CD247: variants seen among roughly 807,000 people sequenced by gnomAD.
The protein encoded by CD247 is T-cell surface glycoprotein CD3 zeta chain.
A neutral mutation model predicts 30.0 loss-of-function variants in CD247; 13 were observed. That is an observed-to-expected ratio of 0.43 (90% CI 0.28 to 0.69). The LOEUF (loss-of-function observed/expected upper bound fraction) is 0.69. CD247 is among the 30% of genes least tolerant of loss of function. The pLI, the probability that CD247 is intolerant of heterozygous loss-of-function variation, is 0.16. For missense variants in CD247, 193 were observed against 212.6 expected, an observed-to-expected ratio of 0.91 and a Z score of 0.57; for synonymous variants, 72 against 80.0, an observed-to-expected ratio of 0.90 and a Z score of 0.53.
At chr1:167,480,931 A>G (rs571115325) in intron 1 of CD247, among the ~76,000 whole-genome samples, 45 of 152,366 alleles carry the variant, frequency 3.0e-4, no homozygotes, top group Non-Finnish European at 5.6e-4. Context: ...CATATAGCAC[A>G]ATTATAACAT....
intron 1 of CD247, among the ~76,000 whole-genome samples, chr1:167,490,366 TGTAAG>T (rs1654397263): frequency 6.6e-6 from 1 of 152,260 alleles, no homozygotes; most frequent in South Asian, 2.1e-4. Flanking sequence ...GGCTCACGCC[TGTAAG>T]CCCAGCACTT....
chr1:167,503,155 G>A (rs139425212), intron 1 of CD247, among the ~76,000 whole-genome samples: 8 of 152,334 alleles, frequency 5.3e-5, no homozygotes, highest in African/African-American at 1.9e-4. Context: ...TACACAGGAG[G>A]GGTGGCAGCT....
chr1:167,467,306 G>A (rs998238672), intron 1 of CD247, among the ~76,000 whole-genome samples: 4 of 152,210 alleles, frequency 2.6e-5, no homozygotes, highest in Non-Finnish European at 5.9e-5. Flanking sequence ...CTTTTCTGCG[G>A]CCCTTCATGC....
intron 1 of CD247, among the ~76,000 whole-genome samples, chr1:167,496,675 A>T (rs1654703690): frequency 6.6e-6 from 1 of 152,172 alleles, no homozygotes; most frequent in African/African-American, 2.4e-5. Context: ...GGGGCTGAGA[A>T]GTGGGTAAGG....
intron 1 of CD247, among the ~76,000 whole-genome samples, chr1:167,493,595 G>T (rs1275785949): frequency 6.6e-6 from 1 of 152,188 alleles, no homozygotes; most frequent in Non-Finnish European, 1.5e-5. Context: ...GCTTAGGAAA[G>T]ATAAAGTAAC....
intron 1 of CD247, among the ~76,000 whole-genome samples, chr1:167,485,418 G>A (rs1369435880): frequency 6.6e-6 from 1 of 152,166 alleles, no homozygotes; most frequent in African/African-American, 2.4e-5. Flanking sequence ...AGGACAAAGT[G>A]GAGAGGCTGA....
In CD247 at chr1:167,435,857, A is replaced by G. The variant is rs141025340; in HGVS notation, c.301-423T>C. Among the ~76,000 whole-genome samples, 201 of 152,322 alleles carry G rather than the reference A, an allele frequency of 1.3e-3. 1 individual carries two copies. The highest frequency in any genetic ancestry group is 2.3e-3 in the Non-Finnish European group (154 of 68,032). On this transcript the variant is annotated intron_variant, in intron 4 of 7. Coordinates refer to ENST00000362089, the MANE Select transcript of CD247 (RefSeq NM_198053.3). ...ACCCTCCTAGTCCTGACAAGAGGAG[A>G]GGAGGCAAGATAAACTTGGATGGTG...
intron 1 of CD247, among the ~76,000 whole-genome samples, chr1:167,465,611 G>T (rs909337025): frequency 1.3e-5 from 2 of 152,140 alleles, no homozygotes; most frequent in African/African-American, 2.4e-5. Flanking sequence ...TATTACAGGC[G>T]TGAGCCACCG....
intron 1 of CD247, among the ~76,000 whole-genome samples, chr1:167,502,992 G>A (rs542910351): frequency 2.0e-5 from 3 of 152,184 alleles, no homozygotes; most frequent in Admixed American, 6.5e-5. Flanking sequence ...GTGGCACTTT[G>A]TTAAGGCAGC....
chr1:167,500,995 A>AC (rs929071616), intron 1 of CD247, among the ~76,000 whole-genome samples: 15 of 150,744 alleles, frequency 1.0e-4, no homozygotes, highest in African/African-American at 3.2e-4. Flanking sequence ...GAAAACTGGG[A>AC]GTCAGAAGAG....
rs113652489 is a variant in CD247, at chr1:167,438,480, T to G, written c.300+90A>C. ...CACACATGTGAGGGTCGAGTCTGGT[T>G]GCAGAGTGAGCTGAGGAGCCCTCCC... On this transcript the variant is annotated intron_variant, in intron 4 of 7. Coordinates refer to ENST00000362089, the MANE Select transcript of CD247 (RefSeq NM_198053.3). The G allele has an allele frequency of 6.9e-5, 70 of 1,009,044 alleles. No individual in the cohort carries two copies. The African/African-American group carries it at 8.1e-4, about 12-fold the overall frequency. 62.5% of individuals were successfully genotyped at this position (1,009,044 alleles called of 1,614,324 possible). A position where few individuals can be genotyped will look rare whatever the true frequency, so the allele number is the denominator to read the frequency against.
chr1:167,510,425 A>C (rs1655338826), intron 1 of CD247, among the ~76,000 whole-genome samples: 1 of 152,018 alleles, frequency 6.6e-6, no homozygotes, highest in Non-Finnish European at 1.5e-5. Flanking sequence ...CATTGCCAAC[A>C]CCCACACTGA....
chr1:167,456,774 A>T (rs907359300), intron 1 of CD247, among the ~76,000 whole-genome samples: 2 of 152,226 alleles, frequency 1.3e-5, no homozygotes, highest in East Asian at 3.8e-4. Context: ...TGTTGTAGAC[A>T]CAGAACCCAA....
chr1:167,489,636 G>A (rs1293533941), intron 1 of CD247, among the ~76,000 whole-genome samples: 3 of 152,174 alleles, frequency 2.0e-5, no homozygotes, highest in African/African-American at 4.8e-5. Flanking sequence ...ACTTTTCTGA[G>A]ATCTGTAAAA....
chr1:167,502,275 C>A (rs756274614), intron 1 of CD247, among the ~76,000 whole-genome samples: 13 of 152,178 alleles, frequency 8.5e-5, no homozygotes, highest in Admixed American at 7.2e-4. Context: ...CATCAGCGTT[C>A]AAAACGAATA....
At chr1:167,497,964 G>A (rs536627701) in intron 1 of CD247, among the ~76,000 whole-genome samples, 3 of 152,158 alleles carry the variant, frequency 2.0e-5, no homozygotes, top group Admixed American at 6.5e-5. Context: ...GCTTGACCTC[G>A]GACTGTCCTG....
chr1:167,456,494 G>A (rs1652678469), intron 1 of CD247, among the ~76,000 whole-genome samples: 1 of 152,228 alleles, frequency 6.6e-6, no homozygotes, highest in African/African-American at 2.4e-5. Flanking sequence ...GGTAGTTCTA[G>A]AGTGAGAGGG....
intron 1 of CD247, among the ~76,000 whole-genome samples, chr1:167,489,335 A>C (rs1654343614): frequency 6.6e-6 from 1 of 152,202 alleles, no homozygotes; most frequent in South Asian, 2.1e-4. Flanking sequence ...AATAGGATGA[A>C]ATGTTATTGA....
At chr1:167,474,076 A>C (rs1374379260) in intron 1 of CD247, among the ~76,000 whole-genome samples, 1 of 152,144 alleles carries the variant, frequency 6.6e-6, no homozygotes, top group African/African-American at 2.4e-5. Context: ...TGTGAACCAG[A>C]GATACCCCAC....
Sources: gnomAD v4.1 joint callset for allele counts (sites outside exome capture counted in the v4.1 genomes callset) on GRCh38, gnomAD v4.1.1 for gene constraint, MANE v1.5 for transcripts, NCBI Gene and HGNC (gene_info 2026-07-23, HGNC 2026-07-21) for gene names.